The following FRMD1 variants were observed in gnomAD, a reference collection of about 807,000 sequenced individuals.
FRMD1 encodes FERM domain containing 1.
Under a neutral mutation model 54.9 loss-of-function variants are expected in FRMD1, and 51 were observed. The observed-to-expected ratio is 0.93, with a 90% CI of 0.74 to 1.17. The LOEUF (loss-of-function observed/expected upper bound fraction) is 1.17. Among genes scored for constraint, FRMD1 ranks in the 50% most tolerant of loss-of-function variants. The pLI is 0.00. For missense variants in FRMD1, 729 were observed against 743.0 expected, an observed-to-expected ratio of 0.98 and a Z score of 0.22; for synonymous variants, 324 against 306.4, an observed-to-expected ratio of 1.06 and a Z score of -0.60.
In FRMD1 at chr6:168,057,018, A is replaced by C; in HGVS notation, c.*79T>G. The C allele has an allele frequency of 7.1e-7, 1 of 1,400,532 alleles. No individual in the cohort carries two copies. Among genetic ancestry groups the C allele is most frequent in the Non-Finnish European group, 9.3e-7 (1 of 1,073,166 alleles). The allele number at this position is 1,400,532 out of a possible 1,614,324, so 86.8% of individuals were successfully genotyped here. On this transcript the variant is annotated 3_prime_UTR_variant, in exon 11 of 11. Transcript: ENST00000283309. ...TGCAGGCAGCATCTGGCGGGCAGGA[A>C]GGGACGAGGGCCATGTGGAAGTGGG... is the stretch of plus-strand genomic sequence containing the variant.
At position 168,057,250 on chromosome 6, in the gene FRMD1, C is replaced by A. The variant is rs144169920; in HGVS notation, c.1497G>T (p.Ala499=). Residue 499 remains alanine (A), a synonymous_variant, in exon 11 of 11, where the codon GCG becomes GCT. Coordinates refer to ENST00000283309, the MANE Select transcript of FRMD1 (RefSeq NM_024919.6). ...GGAAGGTATGGCTGAGTGAGGTGGG[C>A]GCTGGGTGCAGGGCCAGCTGGTGCA... ...MQLHQLALHP[A]PTSLSHTFHR... 1 of 1,610,458 alleles carries A rather than the reference C, an allele frequency of 6.2e-7. No individual in the cohort carries two copies. The highest frequency in any genetic ancestry group is 1.1e-5 in the South Asian group (1 of 90,486).
intron 9 of FRMD1, 43 bp downstream of exon 9, chr6:168,060,716 CCA>C (rs1799675554): frequency 6.4e-7 from 1 of 1,569,646 alleles, no homozygotes; most frequent in Non-Finnish European, 8.6e-7. Flanking sequence ...GCTGGCTGGA[CCA>C]CACTCACTGT....
chr6:168,087,728 T>C (rs996479944), intron 1 of FRMD1, among the ~76,000 whole-genome samples: 4 of 152,168 alleles, frequency 2.6e-5, no homozygotes, highest in Admixed American at 6.5e-5. Flanking sequence ...TCTGGGGAGA[T>C]TGGGCTCCTG....
At chr6:168,074,585 T>C (rs1380356382) in intron 2 of FRMD1, among the ~76,000 whole-genome samples, 1 of 149,468 alleles carries the variant, frequency 6.7e-6, no homozygotes, top group Non-Finnish European at 1.5e-5. Context: ...TGTGTACATG[T>C]GAGTGGTGTG....
rs1799391710 is a variant in FRMD1, at chr6:168,056,154, G to A, written c.*943C>T. 1 of 152,478 alleles carries A rather than the reference G, an allele frequency of 6.6e-6. No individual in the cohort carries two copies. Among genetic ancestry groups the A allele is most frequent in the Non-Finnish European group, 1.5e-5 (1 of 68,234 alleles). The allele number at this position is 152,478 out of a possible 1,614,324, so 9.4% of individuals were successfully genotyped here. On this transcript the variant is annotated 3_prime_UTR_variant, in exon 11 of 11. Coordinates refer to ENST00000283309, the MANE Select transcript of FRMD1 (RefSeq NM_024919.6). Reference sequence around the variant, plus strand: ...GTTTGCACGTGTGCAGGAGTGTTGTGCAGGGGGAGGAGCCCTGGGGAGACC... The same window carrying A: ...GTTTGCACGTGTGCAGGAGTGTTGTACAGGGGGAGGAGCCCTGGGGAGACC...
At chr6:168,078,612 G>GGCCCTGCTCACCCCCACA (rs1562430195) in intron 1 of FRMD1, among the ~76,000 whole-genome samples, 2 of 63,220 alleles carry the variant, frequency 3.2e-5, no homozygotes, top group Non-Finnish European at 2.9e-5. Context: ...TCACCCTCAC[G>GGCCCTGCTCACCCCCACA]GCCCTGCTCA....
chr6:168,076,948 C>T (rs931504797), intron 1 of FRMD1, among the ~76,000 whole-genome samples: 1 of 152,016 alleles, frequency 6.6e-6, no homozygotes, highest in African/African-American at 2.4e-5. Context: ...GAGTATACAC[C>T]CCAATAGAGG....
chr6:168,066,402 G>A, intron 4 of FRMD1: 1 of 495,900 alleles, frequency 2.0e-6, no homozygotes, highest in Non-Finnish European at 2.7e-6. Flanking sequence ...GGAGACTAAG[G>A]CAGAAGAATC....
chr6:168,061,827 C>G lies in FRMD1; in HGVS notation c.1025G>C (p.Arg342Pro), dbSNP rs768358406. 6.4e-7 allele frequency: 1 copy of G among 1,562,836 alleles called. No homozygotes were observed. The highest frequency in any genetic ancestry group is 1.4e-5 in the African/African-American group (1 of 73,740). The change falls in exon 8 of 11, where the codon CGG becomes CCG. Residue 342 changes from arginine to proline, a missense_variant. Arg to Pro is a moderately radical substitution (Grantham distance 103, BLOSUM62 -2). Transcript: ENST00000283309. ...LRVRPTLQQL[R>P]QREEAEEKQH... ...CCCACCTTCTGCCTCCTCCCGCTGCCGCAGCTGTTGCAGAGTGGGCCGCAC... is the reference window on the plus strand; with the variant it reads ...CCCACCTTCTGCCTCCTCCCGCTGCGGCAGCTGTTGCAGAGTGGGCCGCAC...
At chr6:168,072,072 G>A (rs779790624) in intron 2 of FRMD1, among the ~76,000 whole-genome samples, 5 of 152,256 alleles carry the variant, frequency 3.3e-5, no homozygotes, top group Non-Finnish European at 5.9e-5. Flanking sequence ...CGTCCAAGCC[G>A]GGGCTGCCGA....
upstream of FRMD1, chr6:168,081,444 G>C (rs1349934326): frequency 2.0e-6 from 3 of 1,535,644 alleles, no homozygotes; most frequent in Non-Finnish European, 2.6e-6. Context: ...CAGAGGCCGC[G>C]AGGAAGAGGA....
At chr6:168,066,045 C>T (rs773397959) in intron 4 of FRMD1, 7 of 999,854 alleles carry the variant, frequency 7.0e-6, no homozygotes, top group African/African-American at 3.5e-5. Context: ...CCACTCCTGT[C>T]GGGGAAAGCT....
chr6:168,090,226 C>G (rs1374173017), intron 1 of FRMD1, among the ~76,000 whole-genome samples: 2 of 152,172 alleles, frequency 1.3e-5, no homozygotes, highest in African/African-American at 4.8e-5. Flanking sequence ...CCCTCTGCCC[C>G]CCACGCTCTC....
chr6:168,088,486 G>T (rs905590312), intron 1 of FRMD1, among the ~76,000 whole-genome samples: 13 of 152,140 alleles, frequency 8.5e-5, no homozygotes, highest in Non-Finnish European at 1.6e-4. Flanking sequence ...TGCCTCCCCC[G>T]GCATCTGATC....
upstream of FRMD1, chr6:168,081,688 C>A: frequency 1.9e-6 from 1 of 528,974 alleles, no homozygotes; most frequent in Non-Finnish European, 3.1e-6. Context: ...AGGCACAGGA[C>A]TAAACATCCC....
intron 1 of FRMD1, among the ~76,000 whole-genome samples, chr6:168,092,490 C>T (rs531368745): frequency 4.1e-5 from 6 of 145,530 alleles, no homozygotes; most frequent in Admixed American, 1.3e-4. Context: ...CTCCGCCCCT[C>T]CATCATGTGA....
chr6:168,091,025 G>A (rs1312511256), intron 1 of FRMD1, among the ~76,000 whole-genome samples: 1 of 152,226 alleles, frequency 6.6e-6, no homozygotes, highest in Non-Finnish European at 1.5e-5. Context: ...TCTCTGCCCT[G>A]GGCTCCGTGG....
At position 168,078,872 on chromosome 6, in the gene FRMD1, C is replaced by T; in HGVS notation, c.213+10G>A. On this transcript the variant is annotated intron_variant, in intron 1 of 10. Transcript: ENST00000283309. ...TGTTTACCCCCACGGCCACCCAGGG[C>T]CCTGCTCACCCCCACGGCCAGCCGC... 6.4e-7 allele frequency: 1 copy of T among 1,572,938 alleles called. No individual in the cohort carries two copies. The highest frequency in any genetic ancestry group is 2.3e-5 in the East Asian group (1 of 44,308).
At chr6:168,069,408 G>A (rs144511390) in intron 2 of FRMD1, among the ~76,000 whole-genome samples, 22 of 152,260 alleles carry the variant, frequency 1.4e-4, no homozygotes, top group Non-Finnish European at 2.6e-4. Context: ...GCCAATGCCC[G>A]GTCTAAGCAA....
Sources: gnomAD v4.1 joint callset for allele counts (sites outside exome capture counted in the v4.1 genomes callset) on GRCh38, gnomAD v4.1.1 for gene constraint, MANE v1.5 for transcripts, NCBI Gene and HGNC (gene_info 2026-07-23, HGNC 2026-07-21) for gene names.